Variants in CCSER1 observed in about 807,000 individuals in gnomAD.
CCSER1 encodes the protein serine-rich coiled-coil domain-containing protein 1.
A neutral mutation model predicts 82.0 loss-of-function variants in CCSER1; 41 were observed. The ratio of observed to expected loss-of-function variants is 0.50; its 90% confidence interval spans 0.39 to 0.65. The LOEUF (loss-of-function observed/expected upper bound fraction) is 0.65. CCSER1 is among the 30% of genes least tolerant of loss of function. The probability of loss-of-function intolerance (pLI) is 0.00; values close to 1 mark genes in which losing one functional copy is unlikely to be tolerated. For missense variants in CCSER1, 1,119 were observed against 1,064.2 expected, an observed-to-expected ratio of 1.05 and a Z score of -0.72; for synonymous variants, 414 against 383.9, an observed-to-expected ratio of 1.08 and a Z score of -0.92.
intron 1 of CCSER1, among the ~76,000 whole-genome samples, chr4:90,222,903 CTAGG>C (rs747695413): frequency 6.6e-6 from 1 of 152,138 alleles, no homozygotes; most frequent in Non-Finnish European, 1.5e-5. Flanking sequence ...GTATTATACC[CTAGG>C]TATTTACTCA....
chr4:90,433,449 T>TAA (rs1181208989), intron 4 of CCSER1, among the ~76,000 whole-genome samples: 1 of 152,094 alleles, frequency 6.6e-6, no homozygotes, highest in Non-Finnish European at 1.5e-5. Context: ...AAGGGACTCT[T>TAA]AAGAGTCCCC....
rs1463216566 is a variant in CCSER1 at position 90,933,008 on chromosome 4, GAA to G, written c.2172+9563_2172+9564del. On this transcript the variant is annotated intron_variant, in intron 9 of 10. Transcript: ENST00000509176. The stretch of plus-strand genomic sequence containing the variant: ...AGAAAGAAAGAAAGAAAGAAAGAAA[GAA>G]AGAAAGAAAGAAAGAAAGAAAGAAA... Among the ~76,000 whole-genome samples, 193 of 73,416 alleles carry G rather than the reference GAA, an allele frequency of 2.6e-3. 56 individuals carry two copies. Among genetic ancestry groups the G allele is most frequent in the African/African-American group, 0.019 (187 of 9,608 alleles). 48.2% of individuals were successfully genotyped at this position (73,416 alleles called of 152,430 possible).
intron 3 of CCSER1, among the ~76,000 whole-genome samples, chr4:90,368,260 G>A (rs1746621264): frequency 6.6e-6 from 1 of 151,874 alleles, no homozygotes; most frequent in African/African-American, 2.4e-5. Flanking sequence ...CCCTCCCATG[G>A]ACCCATGAGC....
intron 4 of CCSER1, among the ~76,000 whole-genome samples, chr4:90,408,974 G>A (rs1040188679): frequency 1.3e-5 from 2 of 152,294 alleles, no homozygotes; most frequent in Non-Finnish European, 2.9e-5. Flanking sequence ...GGAGAACTAC[G>A]TGATGAATGC....
rs769789153 is a variant in CCSER1, at chr4:90,309,456, C to A, written c.1172C>A (p.Pro391Gln). 15 of 1,613,616 alleles carry A rather than the reference C, an allele frequency of 9.3e-6. No individual in the cohort carries two copies. The African/African-American group carries it at 2.0e-4, about 22-fold the overall frequency. Residue 391 changes from proline to glutamine, a missense_variant, in exon 2 of 11, where the codon CCA becomes CAA. Coordinates refer to ENST00000509176, the MANE Select transcript of CCSER1 (RefSeq NM_001145065.2). ...NGETMLGTNS[P>Q]RKLGFYEQHK... ...GAAACAATGCTGGGGACAAACTCCC[C>A]AAGGAAACTTGGATTTTATGAGCAA...
At chr4:91,025,553 G>C (rs1186652624) in intron 9 of CCSER1, among the ~76,000 whole-genome samples, 1 of 152,098 alleles carries the variant, frequency 6.6e-6, no homozygotes, top group East Asian at 1.9e-4. Context: ...TACTATAACT[G>C]ATAACAGTAG....
intron 10 of CCSER1, among the ~76,000 whole-genome samples, chr4:91,466,923 T>C (rs923833081): frequency 2.6e-5 from 4 of 152,122 alleles, no homozygotes; most frequent in African/African-American, 9.7e-5. Flanking sequence ...AAAATGGCCA[T>C]ACTGCCCAAG....
At chr4:91,037,390 C>G (rs1160051785) in intron 9 of CCSER1, among the ~76,000 whole-genome samples, 1 of 152,116 alleles carries the variant, frequency 6.6e-6, no homozygotes, top group Non-Finnish European at 1.5e-5. Flanking sequence ...AGTCTCTCAG[C>G]AAAGCCTTTC....
chr4:90,641,615 G>T (rs575811727), intron 6 of CCSER1, among the ~76,000 whole-genome samples: 3 of 152,070 alleles, frequency 2.0e-5, no homozygotes, highest in African/African-American at 7.2e-5. Context: ...TGTAAAAATG[G>T]CAGAAATATT....
intron 10 of CCSER1, among the ~76,000 whole-genome samples, chr4:91,199,511 A>G (rs1312069139): frequency 6.6e-6 from 1 of 152,116 alleles, no homozygotes; most frequent in Non-Finnish European, 1.5e-5. Flanking sequence ...GTAGGATTAT[A>G]TGATTGACAT....
At position 90,218,976 on chromosome 4, in the gene CCSER1, G is replaced by A. The variant is rs149764920; in HGVS notation, c.-41-89268G>A. Among the ~76,000 whole-genome samples, 4 of 152,238 alleles carry A rather than the reference G, an allele frequency of 2.6e-5. No individual in the cohort carries two copies. In the East Asian group the frequency reaches 5.8e-4, roughly 22 times the overall value. Reference sequence around the variant, plus strand: ...GATATTGATGATCAAGGCTTTTTACGCCCTGTGAAAGGGTTTGGAATTTGA... The same window carrying A: ...GATATTGATGATCAAGGCTTTTTACACCCTGTGAAAGGGTTTGGAATTTGA... On this transcript the variant is annotated intron_variant, in intron 1 of 10. Coordinates refer to ENST00000509176, the MANE Select transcript of CCSER1 (RefSeq NM_001145065.2).
intron 10 of CCSER1, among the ~76,000 whole-genome samples, chr4:91,356,552 C>A (rs1165275237): frequency 6.6e-6 from 1 of 152,096 alleles, no homozygotes; most frequent in Non-Finnish European, 1.5e-5. Context: ...TTTCCTCTGG[C>A]TGATGAAATG....
chr4:90,419,456 A>G (rs1427597219), intron 4 of CCSER1, among the ~76,000 whole-genome samples: 1 of 151,938 alleles, frequency 6.6e-6, no homozygotes, highest in African/African-American at 2.4e-5. Flanking sequence ...GAGGGAGCAA[A>G]TACTCTGGTT....
chr4:90,889,231 T>A (rs1416367870), intron 8 of CCSER1, among the ~76,000 whole-genome samples: 1 of 152,160 alleles, frequency 6.6e-6, no homozygotes, highest in African/African-American at 2.4e-5. Flanking sequence ...TTACTTTTAC[T>A]CTCAAAATAC....
chr4:91,317,438 C>G (rs757054139), intron 10 of CCSER1, among the ~76,000 whole-genome samples: 1 of 152,080 alleles, frequency 6.6e-6, no homozygotes, highest in East Asian at 1.9e-4. Flanking sequence ...GCTACACCCT[C>G]CCCATTCTCT....
At chr4:91,279,458 G>A (rs1220355747) in intron 10 of CCSER1, among the ~76,000 whole-genome samples, 1 of 150,774 alleles carries the variant, frequency 6.6e-6, no homozygotes, top group East Asian at 1.9e-4. Flanking sequence ...CTTTATCTTT[G>A]TCTGACTGAG....
intron 10 of CCSER1, among the ~76,000 whole-genome samples, chr4:91,248,868 C>A (rs1256168836): frequency 6.6e-6 from 1 of 151,980 alleles, no homozygotes; most frequent in African/African-American, 2.4e-5. Flanking sequence ...TTCTATACTA[C>A]CTTTACAATT....
At chr4:90,500,041 T>C (rs1016436118) in intron 5 of CCSER1, among the ~76,000 whole-genome samples, 1 of 152,212 alleles carries the variant, frequency 6.6e-6, no homozygotes, top group African/African-American at 2.4e-5. Context: ...TTCTTATTAA[T>C]GGTGTTTTCT....
intron 10 of CCSER1, among the ~76,000 whole-genome samples, chr4:91,170,154 C>G (rs907638476): frequency 6.6e-6 from 1 of 152,112 alleles, no homozygotes; most frequent in African/African-American, 2.4e-5. Context: ...TAAGTCATTA[C>G]CTTAGACCTA....
Sources: gnomAD v4.1 joint callset for allele counts (sites outside exome capture counted in the v4.1 genomes callset) on GRCh38, gnomAD v4.1.1 for gene constraint, MANE v1.5 for transcripts, NCBI Gene and HGNC (gene_info 2026-07-23, HGNC 2026-07-21) for gene names.